TBC1D31: variants seen among roughly 807,000 people sequenced by gnomAD.
TBC1D31 encodes TBC1 domain family member 31.
Under a neutral mutation model 132.9 loss-of-function variants are expected in TBC1D31, and 99 were observed. The ratio of observed to expected loss-of-function variants is 0.74; its 90% CI spans 0.63 to 0.88. TBC1D31 has a LOEUF of 0.88. Ranked by LOEUF, TBC1D31 falls within the 40% of genes least tolerant of loss-of-function variation. The pLI is 0.00. For synonymous variants in TBC1D31, 385 were observed against 419.4 expected (o/e 0.92, Z 1.00); for missense variants, 1,134 against 1,256.6 (o/e 0.90, Z 1.48).
In TBC1D31 at chr8:123,076,330, T is replaced by TTG. The variant is rs1258448296; in HGVS notation, c.78-775_78-774dup. On this transcript the variant is annotated intron_variant, in intron 1 of 21. Coordinates refer to ENST00000287380, the MANE Select transcript of TBC1D31 (RefSeq NM_145647.4). ...TTTTCTTCTTTATTTTTTCTTTTAA[T>TTG]TGTGTGTATGTGTGTGTGTGTGTGT... Among the ~76,000 whole-genome samples, 22 of 106,188 alleles carry TTG rather than the reference T, an allele frequency of 2.1e-4. No homozygotes were observed. In the East Asian group the frequency reaches 2.4e-3, roughly 12 times the overall value. The allele number at this position is 106,188 out of a possible 152,430, so 69.7% of individuals were successfully genotyped here.
chr8:123,093,484 A>T, intron 4 of TBC1D31, 107 bp from the exon 5 acceptor site: 2 of 678,992 alleles, frequency 2.9e-6, no homozygotes, highest in Non-Finnish European at 4.5e-6. Context: ...TCCCCAGCTT[A>T]AGAAAATAAT....
intron 3 of TBC1D31, 123 bp downstream of exon 3, chr8:123,082,940 T>C (rs930065458): frequency 9.4e-6 from 6 of 640,220 alleles, no homozygotes; most frequent in African/African-American, 1.8e-5. Flanking sequence ...CTTCAGACAC[T>C]AGGTGCAAGC....
the TBC1D31 span, among the ~76,000 whole-genome samples, chr8:123,160,634 C>T: frequency 6.6e-6 from 1 of 152,116 alleles, no homozygotes; most frequent in African/African-American, 2.4e-5. Flanking sequence ...GGGTTGCCGC[C>T]GCTGCCCCGC....
chr8:123,111,442 T>C (rs1818427178), intron 10 of TBC1D31, among the ~76,000 whole-genome samples: 1 of 152,178 alleles, frequency 6.6e-6, no homozygotes, highest in Non-Finnish European at 1.5e-5. Context: ...CTTATTACCT[T>C]GGAGCTCCCC....
At chr8:123,124,780 A>G (rs1819867974) in intron 11 of TBC1D31, among the ~76,000 whole-genome samples, 1 of 151,542 alleles carries the variant, frequency 6.6e-6, no homozygotes, top group Non-Finnish European at 1.5e-5. Context: ...ATACAAAAAA[A>G]AAAAAAATGA....
intron 19 of TBC1D31, 51 bp from the exon 20 acceptor site, chr8:123,144,666 T>A: frequency 6.5e-7 from 1 of 1,533,600 alleles, no homozygotes; most frequent in Non-Finnish European, 8.8e-7. Context: ...CTGTGAAATG[T>A]GTATTACTAT....
the TBC1D31 span, among the ~76,000 whole-genome samples, chr8:123,157,337 G>C: frequency 9.2e-5 from 14 of 152,108 alleles, no homozygotes; most frequent in Non-Finnish European, 1.9e-4. Flanking sequence ...TCATTCTGAG[G>C]CTATACAGCT....
chr8:123,117,856 G>A (rs1002312498), intron 10 of TBC1D31, among the ~76,000 whole-genome samples: 2 of 151,828 alleles, frequency 1.3e-5, no homozygotes, highest in Admixed American at 6.6e-5. Flanking sequence ...TGAGTGTGGA[G>A]ATTCAAGGCT....
chr8:123,078,745 A>G (rs905837152), intron 2 of TBC1D31, among the ~76,000 whole-genome samples: 21 of 152,158 alleles, frequency 1.4e-4, no homozygotes, highest in Non-Finnish European at 1.2e-4. Context: ...CATATTGGAG[A>G]TGGGTCATGC....
At chr8:123,122,162 C>T (rs192315075) in intron 11 of TBC1D31, among the ~76,000 whole-genome samples, 142 of 152,286 alleles carry the variant, frequency 9.3e-4, no homozygotes, top group Non-Finnish European at 1.7e-3. Flanking sequence ...CATAGAATTA[C>T]CGTATAACCC....
At chr8:123,121,410 C>G (rs2130717688) in intron 11 of TBC1D31, among the ~76,000 whole-genome samples, 1 of 152,310 alleles carries the variant, frequency 6.6e-6, no homozygotes, top group South Asian at 2.1e-4. Context: ...GGATGTGTGT[C>G]CTCTCCAAAT....
chr8:123,165,107 A>G, the TBC1D31 span, among the ~76,000 whole-genome samples: 1 of 152,180 alleles, frequency 6.6e-6, no homozygotes, highest in Non-Finnish European at 1.5e-5. Flanking sequence ...AGAAGAAACC[A>G]ATCCTGTCAA....
intron 7 of TBC1D31, among the ~76,000 whole-genome samples, chr8:123,101,649 A>C (rs370470508): frequency 2.0e-5 from 3 of 152,092 alleles, no homozygotes; most frequent in African/African-American, 7.2e-5. Flanking sequence ...TCCTGACCTC[A>C]TGATCCACCC....
At chr8:123,157,074 G>A (rs1823012540), downstream of TBC1D31, among the ~76,000 whole-genome samples, 1 of 152,248 alleles carries the variant, frequency 6.6e-6, no homozygotes, top group Admixed American at 6.5e-5. Context: ...GGGCCGCAGT[G>A]CGAGGGTGGT....
chr8:123,124,659 G>A lies in TBC1D31; in HGVS notation c.1571-1397G>A, dbSNP rs940179236. 5.3e-5 allele frequency among the ~76,000 whole-genome samples: 8 copies of A among 152,088 alleles called. No individual in the cohort carries two copies. In the South Asian group the frequency reaches 1.2e-3, roughly 24 times the overall value. The stretch of plus-strand genomic sequence containing the variant: ...AATTAAGAGCTGGGCTGGGCGCAGC[G>A]GCTCACACCTGTAATCCCAGCACTT... On this transcript the variant is annotated intron_variant, in intron 11 of 21. Coordinates refer to ENST00000287380, the MANE Select transcript of TBC1D31 (RefSeq NM_145647.4).
At chr8:123,089,483 C>T (rs529721035) in intron 4 of TBC1D31, among the ~76,000 whole-genome samples, 4 of 152,210 alleles carry the variant, frequency 2.6e-5, no homozygotes, top group African/African-American at 7.2e-5. Flanking sequence ...AACACTTTAA[C>T]ACGCAGGCTG....
intron 8 of TBC1D31, 50 bp downstream of exon 8, chr8:123,105,514 T>G: frequency 6.9e-7 from 1 of 1,457,696 alleles, no homozygotes. Context: ...TGTAGACAAG[T>G]CTTGTGATTT....
intron 11 of TBC1D31, among the ~76,000 whole-genome samples, 171 bp downstream of exon 11, chr8:123,120,359 G>A (rs1370513584): frequency 1.3e-5 from 2 of 152,214 alleles, no homozygotes; most frequent in African/African-American, 4.8e-5. Flanking sequence ...GCATTTATAT[G>A]TAAACCTTTT....
chr8:123,092,059 G>A (rs1318688792), intron 4 of TBC1D31, among the ~76,000 whole-genome samples: 1 of 152,120 alleles, frequency 6.6e-6, no homozygotes, highest in East Asian at 1.9e-4. Flanking sequence ...TTGTTGCCCA[G>A]GCTGGAGTGC....
Sources: gnomAD v4.1 joint callset for allele counts (sites outside exome capture counted in the v4.1 genomes callset) on GRCh38, gnomAD v4.1.1 for gene constraint, MANE v1.5 for transcripts, NCBI Gene and HGNC (gene_info 2026-07-23, HGNC 2026-07-21) for gene names.